The following FRY variants were observed in gnomAD, a reference collection of about 807,000 sequenced individuals.
FRY encodes the protein protein furry homolog.
A neutral mutation model predicts 348.4 loss-of-function variants in FRY; 128 were observed. The ratio of observed to expected loss-of-function variants is 0.37; its 90% confidence interval spans 0.32 to 0.43. FRY has a LOEUF of 0.43. FRY is among the 20% of genes least tolerant of loss of function. FRY has a pLI of 1.00. For missense variants in FRY, 2,736 were observed against 3,695.2 expected (o/e 0.74, Z 6.73); for synonymous variants, 1,370 against 1,374.7 (o/e 1.00, Z 0.08).
At chr13:32,268,499 AAAAAAAATAT>A (rs1225062628) in intron 55 of FRY, among the ~76,000 whole-genome samples, 195 of 15,900 alleles carry the variant, frequency 0.012, 1 homozygote, top group African/African-American at 0.026. Context: ...AAAAAAAAAA[AAAAAAAATAT>A]ATATATATAT....
At position 32,124,129 on chromosome 13, in the gene FRY, C is replaced by T. The variant is rs185567105; in HGVS notation, c.465-157C>T. On this transcript the variant is annotated intron_variant, in intron 4 of 60. Transcript: ENST00000542859. ...CTGGGATTACAGGCATGAGCCACTC[C>T]GCCCGGCCAACGTTAGCATGTATCT... is the stretch of plus-strand genomic sequence containing the variant. Among the ~76,000 whole-genome samples, 134 of 152,266 alleles carry T rather than the reference C, an allele frequency of 8.8e-4. No individual in the cohort carries two copies. In the East Asian group the frequency reaches 0.013, roughly 15 times the overall value.
At chr13:32,115,878 A>G (rs1878271058) in intron 3 of FRY, among the ~76,000 whole-genome samples, 1 of 152,074 alleles carries the variant, frequency 6.6e-6, no homozygotes, top group Non-Finnish European at 1.5e-5. Context: ...TGTTTTCTGC[A>G]TATGTATACT....
At chr13:32,274,698 T>C (rs866869301) in intron 55 of FRY, 144 bp from the exon 56 acceptor site, 89 of 524,122 alleles carry the variant, frequency 1.7e-4, no homozygotes, top group East Asian at 5.3e-4. Context: ...AGCGAGATTC[T>C]GTCTCAAAAA....
chr13:32,202,584 G>A, intron 31 of FRY, 57 bp downstream of exon 31: 1 of 1,311,778 alleles, frequency 7.6e-7, no homozygotes, highest in Admixed American at 1.7e-5. Flanking sequence ...TGACGTATGT[G>A]ATCATTTCTA....
chr13:32,222,420 T>G (rs1885365022), intron 36 of FRY, among the ~76,000 whole-genome samples: 1 of 152,180 alleles, frequency 6.6e-6, no homozygotes, highest in African/African-American at 2.4e-5. Flanking sequence ...AGAATTGGTC[T>G]GTCTGCTCTG....
At chr13:32,162,403 T>A (rs764525076) in intron 17 of FRY, among the ~76,000 whole-genome samples, 5 of 152,084 alleles carry the variant, frequency 3.3e-5, no homozygotes, top group Non-Finnish European at 5.9e-5. Context: ...CTGCACATAA[T>A]CTGGTGGCCT....
intron 2 of FRY, among the ~76,000 whole-genome samples, chr13:32,091,183 A>G (rs994527776): frequency 2.0e-5 from 3 of 152,232 alleles, no homozygotes; most frequent in Admixed American, 6.5e-5. Flanking sequence ...ACTATTTCTC[A>G]TTAGTTATTA....
chr13:32,094,037 C>T (rs1262511924), intron 2 of FRY, among the ~76,000 whole-genome samples: 2 of 152,168 alleles, frequency 1.3e-5, no homozygotes, highest in Non-Finnish European at 2.9e-5. Context: ...TCAGTTTCCA[C>T]TTGTTGGTTA....
At chr13:32,038,667 C>T (rs1462056661) in intron 1 of FRY, 1 of 152,174 alleles carries the variant, frequency 6.6e-6, no homozygotes, top group Non-Finnish European at 1.5e-5. Flanking sequence ...CTTTCTCTTT[C>T]TTTGAGCTGA....
intron 1 of FRY, among the ~76,000 whole-genome samples, chr13:32,058,449 A>C (rs941786669): frequency 2.0e-5 from 3 of 152,200 alleles, no homozygotes; most frequent in African/African-American, 7.2e-5. Flanking sequence ...GAAATGTGAA[A>C]GGCATTCTCT....
intron 28 of FRY, among the ~76,000 whole-genome samples, chr13:32,192,375 C>CAGTGGCGT (rs1593719397): frequency 7.2e-6 from 1 of 139,074 alleles, no homozygotes; most frequent in East Asian, 2.7e-4. Context: ...TGCAGTGGCG[C>CAGTGGCGT]GATCTCGGCT....
intron 3 of FRY, among the ~76,000 whole-genome samples, chr13:32,114,987 A>G (rs896977359): frequency 1.3e-5 from 2 of 152,202 alleles, no homozygotes; most frequent in Non-Finnish European, 2.9e-5. Context: ...TAAAAAGTTT[A>G]TGCTGACTAG....
At chr13:32,238,339 T>C (rs1886324114) in intron 44 of FRY, among the ~76,000 whole-genome samples, 1 of 152,218 alleles carries the variant, frequency 6.6e-6, no homozygotes. Context: ...ATTTTTTTCT[T>C]TGCTTTTCTG....
intron 16 of FRY, among the ~76,000 whole-genome samples, chr13:32,158,711 A>G (rs944877577): frequency 6.6e-6 from 1 of 152,156 alleles, no homozygotes; most frequent in Non-Finnish European, 1.5e-5. Context: ...TGAGGTCAAG[A>G]GTTCAAGACC....
At chr13:32,292,531 C>T (rs753199458) in intron 59 of FRY, among the ~76,000 whole-genome samples, 3 of 151,852 alleles carry the variant, frequency 2.0e-5, no homozygotes, top group Non-Finnish European at 2.9e-5. Context: ...CGGTGGCTCA[C>T]GCCTGTAATC....
intron 21 of FRY, 49 bp downstream of exon 21, chr13:32,178,485 C>G (rs1300763517): frequency 6.3e-7 from 1 of 1,598,974 alleles, no homozygotes; most frequent in Non-Finnish European, 8.5e-7. Flanking sequence ...TCCATTTGCC[C>G]TCTTAAATTT....
In FRY at chr13:32,145,604, G is replaced by A. The variant is rs1314492166; in HGVS notation, c.1180-1678G>A. Among the ~76,000 whole-genome samples the A allele has an allele frequency of 3.4e-5, 5 of 148,358 alleles. No homozygotes were observed. In the South Asian group the frequency reaches 1.1e-3, roughly 32 times the overall value. On this transcript the variant is annotated intron_variant, in intron 11 of 60. Transcript: ENST00000542859. ...CCAGGCCGGACTGCGGACTGCAGTG[G>A]TGCAATCTCGGCTCACTGCAAGCTC...
intron 50 of FRY, 92 bp downstream of exon 50, chr13:32,252,044 C>A: frequency 2.3e-6 from 2 of 877,820 alleles, no homozygotes; most frequent in East Asian, 2.4e-5. Context: ...TTAGAGGATT[C>A]AACTGTGAAT....
chr13:32,040,049 A>T (rs1475203450), intron 1 of FRY, among the ~76,000 whole-genome samples: 1 of 152,172 alleles, frequency 6.6e-6, no homozygotes, highest in Non-Finnish European at 1.5e-5. Context: ...TACATTAAAA[A>T]TTTTTCCTAT....
Sources: gnomAD v4.1 joint callset for allele counts (sites outside exome capture counted in the v4.1 genomes callset) on GRCh38, gnomAD v4.1.1 for gene constraint, MANE v1.5 for transcripts, NCBI Gene and HGNC (gene_info 2026-07-23, HGNC 2026-07-21) for gene names.